Variants in NCR1 observed in about 807,000 individuals in gnomAD.
The protein encoded by NCR1 is NK cell-activating receptor.
A neutral mutation model predicts 32.5 loss-of-function variants in NCR1; 30 were observed. The ratio of observed to expected loss-of-function variants is 0.92; its 90% CI spans 0.69 to 1.25. The LOEUF (loss-of-function observed/expected upper bound fraction) is 1.25, where lower values mean the gene tolerates loss of function less well. NCR1 is among the 50% of genes most tolerant of loss of function. NCR1 has a pLI of 0.00. For missense variants in NCR1, 369 were observed against 380.7 expected, an observed-to-expected ratio of 0.97 and a Z score of 0.26; for synonymous variants, 169 against 143.4, an observed-to-expected ratio of 1.18 and a Z score of -1.28.
At chr19:54,927,524 C>G in the NCR1 span, 3 of 1,445,108 alleles carry the variant, frequency 2.1e-6, no homozygotes, top group Non-Finnish European at 1.9e-6. Context: ...CCACTGCACT[C>G]CAGCCTGAAT....
At chr19:54,900,056 A>C in the NCR1 span, among the ~76,000 whole-genome samples, 1 of 152,084 alleles carries the variant, frequency 6.6e-6, no homozygotes. Context: ...AATTGGTGAG[A>C]TGTTCCTTGG....
upstream of NCR1, among the ~76,000 whole-genome samples, chr19:54,901,148 G>A (rs1204348754): frequency 3.5e-5 from 3 of 84,652 alleles, no homozygotes; most frequent in Admixed American, 1.2e-4. Flanking sequence ...AGATTACCCG[G>A]ACGTGGTGGT....
At chr19:54,914,084 A>G (rs1275792681), downstream of NCR1, among the ~76,000 whole-genome samples, 1 of 151,582 alleles carries the variant, frequency 6.6e-6, no homozygotes, top group African/African-American at 2.4e-5. Context: ...AAAAAGAAAA[A>G]AAAAAAATAA....
intron 4 of NCR1, 95 bp downstream of exon 4, chr19:54,909,618 G>A: frequency 7.0e-7 from 1 of 1,437,128 alleles, no homozygotes; most frequent in Non-Finnish European, 9.3e-7. Flanking sequence ...GTGTCCAAGG[G>A]ACGTCCACTT....
At chr19:54,899,727 A>G in the NCR1 span, among the ~76,000 whole-genome samples, 1 of 152,102 alleles carries the variant, frequency 6.6e-6, no homozygotes, top group Non-Finnish European at 1.5e-5. Flanking sequence ...TTGCCCCCCC[A>G]GAAAAGCAGT....
the NCR1 span, among the ~76,000 whole-genome samples, chr19:54,934,018 CTG>C: frequency 1.3e-5 from 2 of 152,236 alleles, no homozygotes; most frequent in African/African-American, 2.4e-5. This position sits in a 1 kb window ranked among gnomAD's most constrained non-coding sequence, Gnocchi z 6.7. Flanking sequence ...TCTCGGTTCA[CTG>C]CCAATCGCCG....
intron 3 of NCR1, 86 bp downstream of exon 3, chr19:54,906,893 C>G: frequency 6.8e-7 from 1 of 1,473,382 alleles, no homozygotes; most frequent in Non-Finnish European, 9.3e-7. Context: ...AAGCCCCACT[C>G]AGACACTGCT....
At chr19:54,911,897 AAC>A (rs377311989) in intron 5 of NCR1, among the ~76,000 whole-genome samples, 3 of 151,568 alleles carry the variant, frequency 2.0e-5, no homozygotes, top group African/African-American at 7.3e-5. Flanking sequence ...CAGAGGCTGG[AAC>A]ACAGTGAGAC....
At chr19:54,903,853 G>C (rs2067382918), upstream of NCR1, among the ~76,000 whole-genome samples, 1 of 151,622 alleles carries the variant, frequency 6.6e-6, no homozygotes, top group Non-Finnish European at 1.5e-5. Context: ...GGCTGGGTGT[G>C]GTGGCTCACA....
chr19:54,912,732 T>G lies in NCR1; in HGVS notation c.776T>G (p.Met259Arg). 6.2e-7 allele frequency: 1 copy of G among 1,612,444 alleles called. No individual in the cohort carries two copies. The highest frequency in any genetic ancestry group is 8.5e-7 in the Non-Finnish European group (1 of 1,179,176). ...CACACTGCCCAGAATCTCCTTCGGA[T>G]GGGCCTGGCCTTTCTAGTCCTGGTG... is the stretch of plus-strand genomic sequence containing the variant. ...WDHTAQNLLR[M>R]GLAFLVLVAL... The change falls in exon 7 of 7, where the codon ATG (methionine) becomes AGG (arginine). Residue 259 changes from methionine (M) to arginine (R), a missense_variant. Coordinates refer to ENST00000291890, the MANE Select transcript of NCR1 (RefSeq NM_004829.7).
upstream of NCR1, among the ~76,000 whole-genome samples, chr19:54,902,041 G>C (rs747203464): frequency 6.6e-6 from 1 of 152,148 alleles, no homozygotes; most frequent in East Asian, 1.9e-4. Context: ...ATATGTCACT[G>C]GTAAAACAAG....
chr19:54,910,483 T>C (rs1475954108), intron 5 of NCR1, among the ~76,000 whole-genome samples: 2 of 152,118 alleles, frequency 1.3e-5, no homozygotes, highest in African/African-American at 4.8e-5. Flanking sequence ...GGCAGGAGAA[T>C]TGTTGAACCT....
rs587683819 is a variant in NCR1 at position 54,906,903 on chromosome 19, T to A, written c.355+96T>A. The A allele has an allele frequency of 4.2e-6, 6 of 1,426,216 alleles. No homozygotes were observed. In the East Asian group the frequency reaches 1.1e-4, roughly 27 times the overall value. 88.3% of individuals were successfully genotyped at this position (1,426,216 alleles called of 1,614,324 possible). The stretch of plus-strand genomic sequence containing the variant: ...CTTCCAAGCCCCACTCAGACACTGC[T>A]TGTCTCGGTAGGAGGCTGGAAGGAG... On this transcript the variant is annotated intron_variant, in intron 3 of 6. Coordinates refer to ENST00000291890, the MANE Select transcript of NCR1 (RefSeq NM_004829.7).
downstream of NCR1, chr19:54,913,273 C>G (rs996963674): frequency 6.4e-6 from 1 of 157,222 alleles, no homozygotes; most frequent in Non-Finnish European, 1.4e-5. Context: ...TGGCTGGTCT[C>G]GAACTCCTGA....
chr19:54,933,467 C>A, the NCR1 span: 30 of 1,445,552 alleles, frequency 2.1e-5, 1 homozygote, highest in South Asian at 3.1e-4. Context: ...TTAATTCTTA[C>A]CAGGTTTTTA....
chr19:54,909,620 C>T (rs1049440690), intron 4 of NCR1, 97 bp downstream of exon 4: 36 of 1,423,060 alleles, frequency 2.5e-5, no homozygotes, highest in East Asian at 7.2e-5. Flanking sequence ...GTCCAAGGGA[C>T]GTCCACTTCC....
chr19:54,932,582 C>T, the NCR1 span, among the ~76,000 whole-genome samples: 1 of 152,150 alleles, frequency 6.6e-6, no homozygotes, highest in Admixed American at 6.6e-5. Context: ...TAACAAGATT[C>T]AGCCAACTAT....
In NCR1 at chr19:54,910,079, CCTT is replaced by C. The variant is rs1415994196; in HGVS notation, c.682+17_682+19del. The C allele has an allele frequency of 1.1e-5, 17 of 1,612,820 alleles. No individual in the cohort carries two copies. Among genetic ancestry groups the C allele is most frequent in the Non-Finnish European group, 1.4e-5 (16 of 1,179,078 alleles). On this transcript the variant is annotated intron_variant, in intron 5 of 6. Transcript: ENST00000291890. ...CCACCTTTCCTGGTGAGTAACTGGT[CCTT>C]CTAAGCTCAGACGAGCGATCAGAGC...
upstream of NCR1, among the ~76,000 whole-genome samples, chr19:54,903,606 A>C (rs112436268): frequency 6.7e-6 from 1 of 149,098 alleles, no homozygotes; most frequent in Non-Finnish European, 1.5e-5. Context: ...GTATATATGC[A>C]TGTGTATATA....
Sources: allele counts gnomAD v4.1 joint callset (sites outside exome capture counted in the v4.1 genomes callset), GRCh38; gene constraint gnomAD v4.1.1; non-coding constraint Gnocchi (gnomAD v3.1); transcripts MANE v1.5; gene names NCBI Gene and HGNC (gene_info 2026-07-23, HGNC 2026-07-21).